Variants in TAC3 observed in about 807,000 individuals in gnomAD.
The protein encoded by TAC3 is tachykinin-3.
Under a neutral mutation model 16.5 loss-of-function variants are expected in TAC3, and 9 were observed. That is an observed-to-expected ratio of 0.55 (90% CI 0.33 to 0.95). The LOEUF is 0.95. Ranked by LOEUF, TAC3 falls within the 40% of genes least tolerant of loss-of-function variation. The probability of loss-of-function intolerance (pLI) is 0.03; values close to 1 mark genes in which losing one functional copy is unlikely to be tolerated. For synonymous variants in TAC3, 52 were observed against 56.7 expected (o/e 0.92, Z 0.37); for missense variants, 129 against 149.1 (o/e 0.87, Z 0.70).
At chr12:57,012,321 C>A (rs1956309727) in intron 6 of TAC3, 57 bp downstream of exon 6, 1 of 1,489,562 alleles carries the variant, frequency 6.7e-7, no homozygotes, top group Admixed American at 1.8e-5. Context: ...GCACAGCTGG[C>A]AACCCCCACA....
At chr12:57,013,323 G>A (rs999913060) in intron 4 of TAC3, 36 bp downstream of exon 4, 21 of 1,613,274 alleles carry the variant, frequency 1.3e-5, no homozygotes, top group Non-Finnish European at 1.8e-5. Flanking sequence ...CTCTGGGCAA[G>A]TGGCAAGAGA....
Position 57,015,686 on chromosome 12 carries a change from T to C in TAC3, c.112A>G (p.Lys38Glu), listed in dbSNP as rs901528875. The change falls in exon 2 of 7, where the codon AAG (lysine) becomes GAG (glutamate). Residue 38 changes from lysine (K) to glutamate (E), a missense_variant and splice_region_variant. Physicochemically the swap from Lys to Glu is moderately conservative, Grantham distance 56 (BLOSUM62 1). Transcript: ENST00000458521. The part of the protein sequence containing the change: ...EEVVPGGGRS[K>E]RDPDLYQLLQ... ...GTACTCTGCCAGGGGAGACTTACCT[T>C]GCTGCGGCCCCCGCCAGGAACCACC... 12 of 1,613,416 alleles carry C rather than the reference T, an allele frequency of 7.4e-6. No individual in the cohort carries two copies. The highest frequency in any genetic ancestry group is 1.0e-5 in the Non-Finnish European group (12 of 1,179,864).
intron 2 of TAC3, among the ~76,000 whole-genome samples, chr12:57,014,742 C>G (rs2136420891): frequency 6.6e-6 from 1 of 152,048 alleles, no homozygotes; most frequent in African/African-American, 2.4e-5. Flanking sequence ...TTGGATATGG[C>G]ACAACTGCTG....
Position 57,015,657 on chromosome 12 carries a change from CCCAGTACTCTG to C in TAC3, c.114+16_114+26del. 3 of 1,602,496 alleles carry C rather than the reference CCCAGTACTCTG, an allele frequency of 1.9e-6. No homozygotes were observed. ...CAGAGTCCCAAGTTCCCGTGATGTC[CCCAGTACTCTG>C]CCAGGGGAGACTTACCTTGCTGCGG... On this transcript the variant is annotated intron_variant, in intron 2 of 6. Coordinates refer to ENST00000458521, the MANE Select transcript of TAC3 (RefSeq NM_013251.4).
chr12:57,016,351 A>T, intron 1 of TAC3, 36 bp downstream of exon 1: 1 of 414,484 alleles, frequency 2.4e-6, no homozygotes, highest in Non-Finnish European at 5.0e-6. Flanking sequence ...CCCTGGTGCC[A>T]GCTCTGGTCC....
At chr12:57,014,539 A>T (rs1335867683) in intron 2 of TAC3, among the ~76,000 whole-genome samples, 1 of 152,134 alleles carries the variant, frequency 6.6e-6, no homozygotes, top group African/African-American at 2.4e-5. Context: ...AAGGGGTAGG[A>T]TGGCAATCCC....
intron 1 of TAC3, 43 bp from the exon 2 acceptor site, chr12:57,015,845 G>C (rs1193492939): frequency 6.5e-7 from 1 of 1,530,252 alleles, no homozygotes; most frequent in East Asian, 2.3e-5. Flanking sequence ...GGAGAGAAGA[G>C]GAAGATACAG....
intron 5 of TAC3, 21 bp from the exon 6 acceptor site, chr12:57,012,473 T>A: frequency 3.1e-6 from 5 of 1,613,736 alleles, no homozygotes; most frequent in Non-Finnish European, 4.2e-6. Context: ...GCGAACAGTG[T>A]AAGTAAGAGG....
intron 3 of TAC3, 30 bp from the exon 4 acceptor site, chr12:57,013,418 G>A (rs1412057838): frequency 6.2e-7 from 1 of 1,613,990 alleles, no homozygotes; most frequent in Non-Finnish European, 8.5e-7. Context: ...TGTCTAAATG[G>A]GGAGTGAAGT....
intron 5 of TAC3, 154 bp from the exon 6 acceptor site, chr12:57,012,606 C>G: frequency 1.2e-6 from 2 of 1,612,300 alleles, no homozygotes. Context: ...TTCCTCCCAG[C>G]TGCAACAGGA....
rs1031513600 is a variant in TAC3, at chr12:57,013,712, C to A, written c.115-41G>T. The A allele has an allele frequency of 2.9e-5, 43 of 1,492,156 alleles. No homozygotes were observed. The East Asian group carries it at 8.9e-4, about 31-fold the overall frequency. 92.4% of individuals were successfully genotyped at this position (1,492,156 alleles called of 1,614,324 possible). A position where few individuals can be genotyped will look rare whatever the true frequency, so the allele number is the denominator to read the frequency against. On this transcript the variant is annotated intron_variant, in intron 2 of 6. Coordinates refer to ENST00000458521, the MANE Select transcript of TAC3 (RefSeq NM_013251.4). ...AGAGGGGTGAGGCAGGAGGCTCCCA[C>A]CCGGATCCACTCATCCTTTTCCCAC...
chr12:57,011,688 C>T (rs1956300012), intron 6 of TAC3, among the ~76,000 whole-genome samples: 3 of 152,200 alleles, frequency 2.0e-5, no homozygotes, highest in Non-Finnish European at 4.4e-5. Context: ...TCCTCAAAAC[C>T]ACAACCCTGT....
At chr12:57,014,271 G>A (rs562858472) in intron 2 of TAC3, among the ~76,000 whole-genome samples, 1 of 151,814 alleles carries the variant, frequency 6.6e-6, no homozygotes, top group South Asian at 2.1e-4. Context: ...AGGGTGGTGG[G>A]CACACACCAC....
intron 5 of TAC3, 101 bp downstream of exon 5, chr12:57,012,721 A>G (rs751466151): frequency 6.2e-7 from 1 of 1,613,464 alleles, no homozygotes; most frequent in Non-Finnish European, 8.5e-7. Flanking sequence ...AAGGTAAGAA[A>G]GGTCCTGTCT....
chr12:57,015,570 A>C, intron 2 of TAC3, 114 bp downstream of exon 2: 1 of 886,410 alleles, frequency 1.1e-6, no homozygotes, highest in Non-Finnish European at 1.8e-6. Context: ...AAAGGGAGGC[A>C]AAATGCCCTC....
chr12:57,013,201 A>G, intron 4 of TAC3, 158 bp downstream of exon 4: 1 of 954,930 alleles, frequency 1.0e-6, no homozygotes, highest in Admixed American at 1.9e-5. Context: ...CTAGTTCTGG[A>G]TGGCCTCTCC....
Position 57,015,801 on chromosome 12 carries a change from G to A in TAC3, c.-4C>T, listed in dbSNP as rs1338429050. ...TGAATAGCAGCATGATCCTCATGGT[G>A]CCTGGGAGAGCAAAGGGACAGGACT... On this transcript the variant is annotated splice_region_variant and 5_prime_UTR_variant, in exon 2 of 7. Coordinates refer to ENST00000458521, the MANE Select transcript of TAC3 (RefSeq NM_013251.4). The A allele has an allele frequency of 1.2e-6, 2 of 1,612,746 alleles. No homozygotes were observed. Among genetic ancestry groups the A allele is most frequent in the Non-Finnish European group, 1.7e-6 (2 of 1,178,896 alleles).
chr12:57,013,746 G>T, intron 2 of TAC3, 75 bp from the exon 3 acceptor site: 1 of 1,222,018 alleles, frequency 8.2e-7, no homozygotes, highest in Non-Finnish European at 1.2e-6. Context: ...ACAAGAAACA[G>T]CCTCTTCCTG....
At chr12:57,015,628 C>T in intron 2 of TAC3, 56 bp downstream of exon 2, 1 of 1,516,792 alleles carries the variant, frequency 6.6e-7, no homozygotes, top group South Asian at 1.1e-5. Context: ...GCTGTCCAGA[C>T]AGGCAGAGTC....
Sources: gnomAD v4.1 joint callset for allele counts (sites outside exome capture counted in the v4.1 genomes callset) on GRCh38, gnomAD v4.1.1 for gene constraint, MANE v1.5 for transcripts, NCBI Gene and HGNC (gene_info 2026-07-23, HGNC 2026-07-21) for gene names.